The following CACNA1E variants were observed in gnomAD, a reference collection of about 807,000 sequenced individuals.
The protein encoded by CACNA1E is calcium voltage-gated channel subunit alpha1 E.
Under a neutral mutation model 259.2 loss-of-function variants are expected in CACNA1E, and 40 were observed. The observed-to-expected ratio is 0.15, with a 90% confidence interval of 0.12 to 0.20. CACNA1E has a LOEUF of 0.20. Among genes scored for constraint, CACNA1E ranks in the 10% least tolerant of loss-of-function variants. The probability of loss-of-function intolerance (pLI) is 1.00; values close to 1 mark genes in which losing one functional copy is unlikely to be tolerated. For missense variants in CACNA1E, 1,874 were observed against 3,040.1 expected (o/e 0.62, Z 9.02); for synonymous variants, 1,104 against 1,138.5 (o/e 0.97, Z 0.61).
intron 1 of CACNA1E, among the ~76,000 whole-genome samples, chr1:181,385,878 C>T (rs1655809187): frequency 6.6e-6 from 1 of 151,720 alleles, no homozygotes; most frequent in South Asian, 2.1e-4. Flanking sequence ...TCTCTCCCTC[C>T]CTCTCTTCCT....
chr1:181,633,980 C>G (rs1229166869), intron 6 of CACNA1E, among the ~76,000 whole-genome samples: 1 of 152,188 alleles, frequency 6.6e-6, no homozygotes, highest in Non-Finnish European at 1.5e-5. Flanking sequence ...GATAACCTGT[C>G]CAGGTAGATA....
intron 3 of CACNA1E, among the ~76,000 whole-genome samples, chr1:181,525,489 T>G (rs1220102822): frequency 1.3e-5 from 2 of 152,216 alleles, no homozygotes; most frequent in African/African-American, 2.4e-5. Flanking sequence ...CTCTTCAAGA[T>G]AGCAAAGCCT....
At chr1:181,431,581 C>CT (rs1659718931) in intron 2 of CACNA1E, among the ~76,000 whole-genome samples, 1 of 152,170 alleles carries the variant, frequency 6.6e-6, no homozygotes, top group Admixed American at 6.5e-5. Context: ...CTTGATGTTA[C>CT]TTAACACAGG....
chr1:181,756,440 G>A (rs1658094208), intron 29 of CACNA1E, among the ~76,000 whole-genome samples: 3 of 152,124 alleles, frequency 2.0e-5, no homozygotes, highest in Admixed American at 6.5e-5. Context: ...TTATCCTCCA[G>A]GGGGGCCCAG....
chr1:181,500,609 G>A (rs1373824005), intron 1 of CACNA1E, among the ~76,000 whole-genome samples: 1 of 152,190 alleles, frequency 6.6e-6, no homozygotes, highest in Non-Finnish European at 1.5e-5. Flanking sequence ...TGCACATTGG[G>A]TCTTAGTCTT....
Position 181,511,362 on chromosome 1 carries a change from T to A in CACNA1E, c.373-9T>A. 1.2e-6 allele frequency: 2 copies of A among 1,613,852 alleles called. No individual in the cohort carries two copies. The highest frequency in any genetic ancestry group is 8.5e-7 in the Non-Finnish European group (1 of 1,179,820). ...TTCTCACTGGTGCTTCTGCTCCTCA[T>A]CCCCACAGGAGAAGACAGAACCTTA... On this transcript the variant is annotated splice_polypyrimidine_tract_variant and intron_variant, in intron 2 of 47. Coordinates refer to ENST00000367573, the MANE Select transcript of CACNA1E (RefSeq NM_001205293.3).
intron 3 of CACNA1E, among the ~76,000 whole-genome samples, chr1:181,534,387 A>G (rs895514318): frequency 2.6e-5 from 4 of 152,140 alleles, no homozygotes; most frequent in Non-Finnish European, 5.9e-5. Context: ...TATACATACA[A>G]TTTTGATGAA....
rs564344525 is a variant in CACNA1E, at chr1:181,354,300, A to T, written c.-15+36177A>T. On this transcript the variant is annotated intron_variant, in intron 1 of 11. Transcript: ENST00000524607. Reference sequence around the variant, plus strand: ...GCCTAGAGCAAGAGAGATCATAAGCAAAATAAATAAGTAAAATCTACAGCA... The same window carrying T: ...GCCTAGAGCAAGAGAGATCATAAGCTAAATAAATAAGTAAAATCTACAGCA... Among the ~76,000 whole-genome samples, 33 of 152,312 alleles carry T rather than the reference A, an allele frequency of 2.2e-4. No individual in the cohort carries two copies. The South Asian group carries it at 6.2e-3, about 29-fold the overall frequency.
In CACNA1E at chr1:181,710,896, C is replaced by T; in HGVS notation, c.1056-58C>T. 3.3e-6 allele frequency: 4 copies of T among 1,211,478 alleles called. No homozygotes were observed. In the South Asian group the frequency reaches 4.8e-5, roughly 15 times the overall value. The allele number at this position is 1,211,478 out of a possible 1,614,324, so 75.0% of individuals were successfully genotyped here. A position where few individuals can be genotyped will look rare whatever the true frequency, so the allele number is the denominator to read the frequency against. The stretch of plus-strand genomic sequence containing the variant: ...CTCTCTCTCTGTTGCTTGATTCACT[C>T]TTTCCCTTAGTCATGGCCCTGTCCA... On this transcript the variant is annotated intron_variant, in intron 7 of 47. Transcript: ENST00000367573.
intron 7 of CACNA1E, among the ~76,000 whole-genome samples, chr1:181,675,540 A>G (rs1182812329): frequency 6.6e-6 from 1 of 152,212 alleles, no homozygotes; most frequent in African/African-American, 2.4e-5. Context: ...GAAGAGGAGG[A>G]GAAATAAACT....
At chr1:181,480,543 C>T (rs757151721), upstream of CACNA1E, among the ~76,000 whole-genome samples, 3 of 152,204 alleles carry the variant, frequency 2.0e-5, no homozygotes, top group Admixed American at 6.5e-5. Flanking sequence ...AGAATTACAA[C>T]AGCCAAAGAG....
At chr1:181,439,395 A>G (rs1368003993) in intron 2 of CACNA1E, among the ~76,000 whole-genome samples, 1 of 150,262 alleles carries the variant, frequency 6.7e-6, no homozygotes, top group African/African-American at 2.5e-5. Flanking sequence ...TGAGTAGGCC[A>G]TGACTTTGTC....
chr1:181,446,305 A>T (rs1318067119), intron 2 of CACNA1E, among the ~76,000 whole-genome samples: 2 of 152,236 alleles, frequency 1.3e-5, no homozygotes, highest in Non-Finnish European at 2.9e-5. Flanking sequence ...ATAAAGGATG[A>T]AGTGAATCTC....
chr1:181,564,341 G>A (rs1367265691), intron 3 of CACNA1E, among the ~76,000 whole-genome samples: 1 of 152,168 alleles, frequency 6.6e-6, no homozygotes, highest in Middle Eastern at 3.2e-3. Context: ...AATGTTCACA[G>A]CATCTTCATC....
intron 3 of CACNA1E, among the ~76,000 whole-genome samples, chr1:181,562,506 G>A (rs1314665838): frequency 6.6e-6 from 1 of 152,146 alleles, no homozygotes; most frequent in Non-Finnish European, 1.5e-5. Context: ...TACAGGATTA[G>A]TTCTACAGTA....
Position 181,750,473 on chromosome 1 carries a change from T to C in CACNA1E, c.3720-3T>C, listed in dbSNP as rs1256036989. 3 of 1,613,106 alleles carry C rather than the reference T, an allele frequency of 1.9e-6. No individual in the cohort carries two copies. The highest frequency in any genetic ancestry group is 2.5e-6 in the Non-Finnish European group (3 of 1,179,410). ...TACTGCTCTCTGATTGGATCCTCCATAGGAACGCTTTGGGGTAAATATGTT... is the reference window on the plus strand; with the variant it reads ...TACTGCTCTCTGATTGGATCCTCCACAGGAACGCTTTGGGGTAAATATGTT... On this transcript the variant is annotated splice_region_variant and splice_polypyrimidine_tract_variant and intron_variant, in intron 25 of 47. Transcript: ENST00000367573.
intron 2 of CACNA1E, among the ~76,000 whole-genome samples, chr1:181,444,160 A>T (rs1466318699): frequency 6.6e-6 from 1 of 151,998 alleles, no homozygotes; most frequent in Non-Finnish European, 1.5e-5. Flanking sequence ...TCCCTCCCGC[A>T]GCATAGGCAG....
intron 10 of CACNA1E, among the ~76,000 whole-genome samples, 167 bp downstream of exon 10, chr1:181,716,296 T>TAAAA: frequency 7.1e-6 from 1 of 141,014 alleles, no homozygotes; most frequent in South Asian, 2.3e-4. Flanking sequence ...ATGATTTATT[T>TAAAA]AAAAAAAAAA....
intron 7 of CACNA1E, among the ~76,000 whole-genome samples, chr1:181,685,294 A>G (rs1018184465): frequency 2.0e-5 from 2 of 102,518 alleles, no homozygotes; most frequent in African/African-American, 7.5e-5. Context: ...GTGTTATTTC[A>G]TGTCCTCATA....
Sources: gnomAD v4.1 joint callset for allele counts (sites outside exome capture counted in the v4.1 genomes callset) on GRCh38, gnomAD v4.1.1 for gene constraint, MANE v1.5 for transcripts, NCBI Gene and HGNC (gene_info 2026-07-23, HGNC 2026-07-21) for gene names.